Variants in LRRC1 observed in about 807,000 individuals in gnomAD.
The protein encoded by LRRC1 is leucine rich repeat containing 1.
Under a neutral mutation model 69.9 loss-of-function variants are expected in LRRC1, and 28 were observed. The ratio of observed to expected loss-of-function variants is 0.40; its 90% CI spans 0.30 to 0.55. The LOEUF (loss-of-function observed/expected upper bound fraction) is 0.55, where lower values mean the gene tolerates loss of function less well. LRRC1 is among the 20% of genes least tolerant of loss of function. The pLI, the probability that LRRC1 is intolerant of heterozygous loss-of-function variation, is 0.47. For synonymous variants in LRRC1, 236 were observed against 240.2 expected (o/e 0.98, Z 0.16); for missense variants, 498 against 609.0 (o/e 0.82, Z 1.92).
intron 2 of LRRC1, among the ~76,000 whole-genome samples, chr6:53,862,768 CTG>C (rs1766572933): frequency 6.6e-6 from 1 of 152,156 alleles, no homozygotes; most frequent in Non-Finnish European, 1.5e-5. Flanking sequence ...CTCAGTGAGT[CTG>C]TGGTGGTTGG....
chr6:53,854,414 A>G (rs1434490608), intron 2 of LRRC1, among the ~76,000 whole-genome samples: 8 of 152,248 alleles, frequency 5.3e-5, no homozygotes, highest in African/African-American at 1.9e-4. Context: ...ATAAAGAAAC[A>G]TTGTTGAAAA....
intron 3 of LRRC1, 88 bp from the exon 4 acceptor site, chr6:53,882,799 A>G: frequency 4.0e-6 from 3 of 743,636 alleles, no homozygotes; most frequent in Non-Finnish European, 6.4e-6. Flanking sequence ...CAGTTAGCAC[A>G]TAGAATAAAT....
intron 1 of LRRC1, among the ~76,000 whole-genome samples, chr6:53,829,116 G>A (rs1159876617): frequency 6.6e-6 from 1 of 152,166 alleles, no homozygotes; most frequent in Non-Finnish European, 1.5e-5. Context: ...TATGGAGCTT[G>A]GGCTCCACAG....
intron 7 of LRRC1, 95 bp from the exon 8 acceptor site, chr6:53,899,652 G>A (rs560334906): frequency 5.3e-5 from 66 of 1,243,620 alleles, no homozygotes; most frequent in Admixed American, 1.3e-4. Context: ...CCTTAGGACC[G>A]CCCTGGGATT....
intron 2 of LRRC1, among the ~76,000 whole-genome samples, chr6:53,848,009 A>G (rs1766001797): frequency 6.6e-6 from 1 of 152,196 alleles, no homozygotes; most frequent in Non-Finnish European, 1.5e-5. Flanking sequence ...CCTTTCTTGC[A>G]GCCTAATTTG....
chr6:53,844,675 T>TC (rs1765885152), intron 2 of LRRC1, among the ~76,000 whole-genome samples: 1 of 152,220 alleles, frequency 6.6e-6, no homozygotes, highest in Non-Finnish European at 1.5e-5. Context: ...GTTGTATTTT[T>TC]CCCCGCTCAC....
In LRRC1 at chr6:53,896,876, A is replaced by G; in HGVS notation, c.551A>G (p.Asn184Ser). 1 of 1,598,896 alleles carries G rather than the reference A, an allele frequency of 6.3e-7. No individual in the cohort carries two copies. Among genetic ancestry groups the G allele is most frequent in the Non-Finnish European group, 8.6e-7 (1 of 1,166,764 alleles). The change falls in exon 6 of 14, where the codon AAT becomes AGT. Residue 184 changes from asparagine to serine, a missense_variant. Physicochemically the swap from Asn to Ser is conservative, Grantham distance 46 (BLOSUM62 1). Transcript: ENST00000370888. Reference protein sequence around the residue: ...RRLEELDLGNNEIYNLPESIG... With the variant: ...RRLEELDLGNSEIYNLPESIG... ...CTAGAAGAACTTGATTTAGGAAACA[A>G]TGAAATATATAATTTGGTAAGTCCG...
chr6:53,881,819 G>A (rs1008131925), intron 3 of LRRC1, among the ~76,000 whole-genome samples: 2 of 152,088 alleles, frequency 1.3e-5, no homozygotes, highest in Non-Finnish European at 2.9e-5. Context: ...CAGCATTTTA[G>A]ATGCAATGAG....
intron 11 of LRRC1, among the ~76,000 whole-genome samples, chr6:53,915,569 T>C (rs142364982): frequency 1.5e-3 from 235 of 152,314 alleles, no homozygotes; most frequent in African/African-American, 5.3e-3. Flanking sequence ...GCCACACTAC[T>C]GAGCATGAAT....
intron 1 of LRRC1, among the ~76,000 whole-genome samples, chr6:53,800,797 G>A (rs1466887885): frequency 6.6e-6 from 1 of 151,572 alleles, no homozygotes; most frequent in African/African-American, 2.4e-5. Flanking sequence ...GTGCCACCAC[G>A]CCCGGCTAAT....
intron 1 of LRRC1, among the ~76,000 whole-genome samples, chr6:53,819,167 T>C (rs758885611): frequency 6.6e-6 from 1 of 152,160 alleles, no homozygotes; most frequent in African/African-American, 2.4e-5. Flanking sequence ...CTTGAGTGTC[T>C]TGTCAGAAAG....
chr6:53,922,852 T>G lies in LRRC1; in HGVS notation c.*59T>G, dbSNP rs1190631519. On this transcript the variant is annotated 3_prime_UTR_variant, in exon 14 of 14. Coordinates refer to ENST00000370888, the MANE Select transcript of LRRC1 (RefSeq NM_018214.5). ...CCTCTGCTGTCGAGACGTTCCTGTC[T>G]GCTTCCCGGGAGCCTCACGTGCTCC... is the stretch of plus-strand genomic sequence containing the variant. 3 of 1,548,446 alleles carry G rather than the reference T, an allele frequency of 1.9e-6. No individual in the cohort carries two copies. The highest frequency in any genetic ancestry group is 1.4e-5 in the African/African-American group (1 of 73,754).
At chr6:53,884,482 G>A (rs1446194107) in intron 4 of LRRC1, among the ~76,000 whole-genome samples, 1 of 152,126 alleles carries the variant, frequency 6.6e-6, no homozygotes, top group Non-Finnish European at 1.5e-5. Flanking sequence ...ATTCCAGCCT[G>A]GGTGACAGAG....
At chr6:53,812,387 ACC>A in intron 1 of LRRC1, among the ~76,000 whole-genome samples, 1 of 152,200 alleles carries the variant, frequency 6.6e-6, no homozygotes, top group African/African-American at 2.4e-5. Flanking sequence ...ACTGGGTACC[ACC>A]TTCAGAATTT....
intron 1 of LRRC1, among the ~76,000 whole-genome samples, chr6:53,821,749 C>T (rs1287994726): frequency 1.3e-5 from 2 of 152,156 alleles, no homozygotes; most frequent in Non-Finnish European, 2.9e-5. Flanking sequence ...GACTCCTGCA[C>T]TATGAAAGAT....
chr6:53,815,388 C>T (rs1168211580), intron 1 of LRRC1, among the ~76,000 whole-genome samples: 1 of 152,178 alleles, frequency 6.6e-6, no homozygotes, highest in Non-Finnish European at 1.5e-5. Context: ...GCATATAGCT[C>T]CAGGTCATGA....
intron 2 of LRRC1, among the ~76,000 whole-genome samples, chr6:53,868,973 A>G (rs535960415): frequency 6.6e-6 from 1 of 152,262 alleles, no homozygotes; most frequent in Non-Finnish European, 1.5e-5. Flanking sequence ...CACTTACATT[A>G]TGATATACTA....
intron 1 of LRRC1, among the ~76,000 whole-genome samples, chr6:53,821,643 T>C (rs1179820552): frequency 6.6e-6 from 1 of 152,202 alleles, no homozygotes; most frequent in Middle Eastern, 3.2e-3. Flanking sequence ...ATGATTATTA[T>C]CTGAGAAGTA....
intron 2 of LRRC1, among the ~76,000 whole-genome samples, chr6:53,845,001 G>T (rs919690732): frequency 6.6e-6 from 1 of 152,142 alleles, no homozygotes; most frequent in African/African-American, 2.4e-5. Flanking sequence ...TCAGGAGTTC[G>T]AGACCAGCCT....
Sources: allele counts gnomAD v4.1 joint callset (sites outside exome capture counted in the v4.1 genomes callset), GRCh38; gene constraint gnomAD v4.1.1; transcripts MANE v1.5; gene names NCBI Gene and HGNC (gene_info 2026-07-23, HGNC 2026-07-21).